POLA1: variants seen among roughly 807,000 people sequenced by gnomAD.
POLA1 encodes the protein DNA polymerase alpha catalytic subunit.
A neutral mutation model predicts 124.0 loss-of-function variants in POLA1; 15 were observed. The observed-to-expected ratio is 0.12, with a 90% CI of 0.08 to 0.19. The LOEUF (loss-of-function observed/expected upper bound fraction) is 0.19. Ranked by LOEUF, POLA1 falls within the 10% of genes least tolerant of loss-of-function variation. POLA1 has a pLI of 1.00. For synonymous variants in POLA1, 408 were observed against 389.4 expected (o/e 1.05, Z -0.56); for missense variants, 886 against 1,103.4 (o/e 0.80, Z 2.79).
At chrX:24,983,407 CCCAAATTG>C (rs763640176) in intron 36 of POLA1, among the ~76,000 whole-genome samples, 1 of 112,459 alleles carries the variant, frequency 8.9e-6, no homozygotes, top group Non-Finnish European at 1.9e-5. Flanking sequence ...TCTACCCTAT[CCCAAATTG>C]TACATGACAC....
intron 36 of POLA1, among the ~76,000 whole-genome samples, chrX:24,973,156 G>A (rs2048323807): frequency 9.0e-6 from 1 of 111,587 alleles, no homozygotes; most frequent in South Asian, 3.8e-4. Flanking sequence ...AGGAGTTCGA[G>A]ACCAGCCATG....
intron 34 of POLA1, among the ~76,000 whole-genome samples, chrX:24,851,183 A>G (rs1204532696): frequency 8.9e-6 from 1 of 112,543 alleles, no homozygotes; most frequent in Non-Finnish European, 1.9e-5. Context: ...ATACTGCAGA[A>G]TACTACAGCA....
intron 34 of POLA1, among the ~76,000 whole-genome samples, chrX:24,874,090 ACTTT>A (rs1477812801): frequency 4.5e-5 from 5 of 111,845 alleles, no homozygotes; most frequent in African/African-American, 1.6e-4. Flanking sequence ...CAAAAAACGT[ACTTT>A]CTTCTGGGTC....
intron 28 of POLA1, among the ~76,000 whole-genome samples, chrX:24,811,333 C>T (rs2045897251): frequency 9.3e-6 from 1 of 107,266 alleles, no homozygotes; most frequent in Non-Finnish European, 1.9e-5. Context: ...AGTGCAGTGG[C>T]GTGATCTCGG....
At chrX:24,978,309 G>A (rs1221338781) in intron 36 of POLA1, among the ~76,000 whole-genome samples, 1 of 111,767 alleles carries the variant, frequency 8.9e-6, no homozygotes, top group Non-Finnish European at 1.9e-5. Flanking sequence ...ACTTCTGTGT[G>A]TACTATCCTT....
In POLA1 at chrX:24,954,177, T is replaced by G. The variant is rs191205134; in HGVS notation, c.4261+23628T>G. Among the ~76,000 whole-genome samples the G allele has an allele frequency of 3.1e-3, 355 of 112,839 alleles. 1 individual carries two copies. The highest frequency in any genetic ancestry group is 0.011 in the African/African-American group (330 of 31,090). ...TGAAATATGTCACTGGCTTTTAAAA[T>G]TAAATATGCTTTTTATGCTTTTAAG... On this transcript the variant is annotated intron_variant, in intron 36 of 36. Transcript: ENST00000379068.
chrX:24,992,757 G>A (rs757741567), intron 36 of POLA1, among the ~76,000 whole-genome samples: 1 of 112,680 alleles, frequency 8.9e-6, no homozygotes, highest in South Asian at 3.7e-4. Flanking sequence ...TTCCTTAGAT[G>A]GGAGAATACT....
intron 36 of POLA1, among the ~76,000 whole-genome samples, chrX:24,993,317 G>A (rs902071330): frequency 2.7e-5 from 3 of 112,427 alleles, no homozygotes; most frequent in Non-Finnish European, 5.6e-5. Context: ...ACCAGGGCCA[G>A]TGGCATCTCT....
chrX:24,801,237 AAG>A (rs745553519), intron 26 of POLA1, among the ~76,000 whole-genome samples: 1 of 111,818 alleles, frequency 8.9e-6, no homozygotes, highest in South Asian at 3.7e-4. Flanking sequence ...TGCATGGAAA[AAG>A]CCAGCATTTA....
chrX:24,791,785 A>T (rs1269401793), intron 26 of POLA1, among the ~76,000 whole-genome samples: 1 of 112,439 alleles, frequency 8.9e-6, no homozygotes, highest in African/African-American at 3.2e-5. Context: ...TTCAGATTTT[A>T]TAAGAAGTAA....
At chrX:24,902,002 GTGCA>G (rs1260538505) in intron 35 of POLA1, among the ~76,000 whole-genome samples, 15 of 106,925 alleles carry the variant, frequency 1.4e-4, no homozygotes, top group East Asian at 2.9e-4. Flanking sequence ...GTGCATGTGC[GTGCA>G]CACACACACA....
chrX:24,799,908 C>T (rs1174230030), intron 26 of POLA1, among the ~76,000 whole-genome samples: 2 of 111,736 alleles, frequency 1.8e-5, no homozygotes, highest in Non-Finnish European at 3.8e-5. Context: ...AAATTCATTC[C>T]GTCTAAGTGA....
In POLA1 at chrX:24,930,564, T is replaced by C. The variant is rs777530337; in HGVS notation, c.4261+15T>C. 7.0e-6 allele frequency: 7 copies of C among 1,004,634 alleles called. No individual in the cohort carries two copies. The highest frequency in any genetic ancestry group is 3.0e-5 in the East Asian group (1 of 32,851). 82.8% of individuals were successfully genotyped at this position (1,004,634 alleles called of 1,213,427 possible). A position where few individuals can be genotyped will look rare whatever the true frequency, so the allele number is the denominator to read the frequency against. ...TCATGAGAAAGGTACGTTAAAATACTGTAATTACCTTTGAGTTTAAAGTGG... is the reference window on the plus strand; with the variant it reads ...TCATGAGAAAGGTACGTTAAAATACCGTAATTACCTTTGAGTTTAAAGTGG... On this transcript the variant is annotated intron_variant, in intron 36 of 36. Transcript: ENST00000379068.
At chrX:24,702,120 G>A (rs986006793) in intron 2 of POLA1, among the ~76,000 whole-genome samples, 1 of 105,499 alleles carries the variant, frequency 9.5e-6, no homozygotes, top group African/African-American at 3.5e-5. Flanking sequence ...GGAGTGCAGT[G>A]CATGATCTCG....
At chrX:24,771,363 A>G (rs755507454) in intron 26 of POLA1, among the ~76,000 whole-genome samples, 2 of 111,687 alleles carry the variant, frequency 1.8e-5, no homozygotes, top group African/African-American at 6.5e-5. Flanking sequence ...TCTAATAAAC[A>G]CAGTACTAAG....
At chrX:24,977,903 G>A in intron 36 of POLA1, among the ~76,000 whole-genome samples, 1 of 111,039 alleles carries the variant, frequency 9.0e-6, no homozygotes, top group Non-Finnish European at 1.9e-5. Flanking sequence ...TGGAGGTGGG[G>A]GTTTGGGGTC....
chrX:24,767,155 C>T (rs1364284666), intron 26 of POLA1, among the ~76,000 whole-genome samples: 1 of 112,209 alleles, frequency 8.9e-6, no homozygotes, highest in East Asian at 2.8e-4. Flanking sequence ...TAGTACAGGA[C>T]ATCTCATTTT....
chrX:24,717,917 T>C (rs1188405336), intron 10 of POLA1, among the ~76,000 whole-genome samples, 159 bp downstream of exon 10: 3 of 111,076 alleles, frequency 2.7e-5, no homozygotes, highest in Non-Finnish European at 5.7e-5. Context: ...GTCACTGTAA[T>C]TAGCTCAGGT....
intron 36 of POLA1, among the ~76,000 whole-genome samples, chrX:24,933,496 T>C (rs1270111978): frequency 1.8e-5 from 2 of 111,805 alleles, no homozygotes; most frequent in East Asian, 2.8e-4. Flanking sequence ...ATGACAGTCG[T>C]TATACACAGT....
Sources: allele counts gnomAD v4.1 joint callset (sites outside exome capture counted in the v4.1 genomes callset), GRCh38; gene constraint gnomAD v4.1.1; transcripts MANE v1.5; gene names NCBI Gene and HGNC (gene_info 2026-07-23, HGNC 2026-07-21).